The following SETD5 variants were observed in gnomAD, a reference collection of about 807,000 sequenced individuals.
SETD5 encodes the protein SET domain containing 5, also known as histone-lysine N-methyltransferase SETD5.
Under a neutral mutation model 153.3 loss-of-function variants are expected in SETD5, and 44 were observed. The ratio of observed to expected loss-of-function variants is 0.29; its 90% CI spans 0.23 to 0.37. The LOEUF is 0.37. SETD5 is among the 10% of genes least tolerant of loss of function. SETD5 has a pLI of 1.00. For synonymous variants in SETD5, 716 were observed against 645.2 expected, an observed-to-expected ratio of 1.11 and a Z score of -1.66; for missense variants, 1,544 against 1,768.0, an observed-to-expected ratio of 0.87 and a Z score of 2.27.
At position 9,441,508 on chromosome 3, in the gene SETD5, A is replaced by T. The variant is rs1383768920; in HGVS notation, c.811-85A>T. 3.9e-6 allele frequency: 5 copies of T among 1,266,504 alleles called. No individual in the cohort carries two copies. The Admixed American group carries it at 1.0e-4, about 25-fold the overall frequency. The allele number at this position is 1,266,504 out of a possible 1,614,324, so 78.5% of individuals were successfully genotyped here. A position where few individuals can be genotyped will look rare whatever the true frequency, so the allele number is the denominator to read the frequency against. On this transcript the variant is annotated intron_variant, in intron 8 of 22. Transcript: ENST00000402198. ...ACAGATAAAACCTGAAAATATTAGC[A>T]TGTTTTCCTTAATTATGAAGTAATT... is the stretch of plus-strand genomic sequence containing the variant.
At chr3:9,422,356 T>C (rs1023406141) in intron 1 of SETD5, among the ~76,000 whole-genome samples, 2 of 152,204 alleles carry the variant, frequency 1.3e-5, no homozygotes, top group African/African-American at 4.8e-5. Flanking sequence ...TTATCTACTT[T>C]CAAAAATATC....
At chr3:9,463,230 C>G (rs1023478558) in intron 17 of SETD5, among the ~76,000 whole-genome samples, 46 of 152,156 alleles carry the variant, frequency 3.0e-4, no homozygotes, top group African/African-American at 1.0e-3. Context: ...GCCATATTGG[C>G]CAGGCTGGTC....
At chr3:9,404,384 G>T (rs761840547) in intron 1 of SETD5, among the ~76,000 whole-genome samples, 1 of 152,116 alleles carries the variant, frequency 6.6e-6, no homozygotes, top group Non-Finnish European at 1.5e-5. Context: ...TGGCAGTAAT[G>T]ATATAATATT....
Position 9,434,312 on chromosome 3 carries a change from T to A in SETD5, c.178-22T>A. ...ACGGAGCCCCTCCTCCTCCGACACC[T>A]CCTGCTTCTCCCCCTGTCCAGACGA... On this transcript the variant is annotated intron_variant, in intron 4 of 22. Transcript: ENST00000402198. The surrounding 1 kb of genome is among the most constrained non-coding windows in gnomAD (Gnocchi z 5.6). 6.2e-7 allele frequency: 1 copy of A among 1,613,516 alleles called. No individual in the cohort carries two copies. The highest frequency in any genetic ancestry group is 8.5e-7 in the Non-Finnish European group (1 of 1,179,476).
Position 9,435,914 on chromosome 3 carries a change from G to A in SETD5, c.567+8G>A. On this transcript the variant is annotated splice_region_variant and intron_variant, in intron 7 of 22. Coordinates refer to ENST00000402198, the MANE Select transcript of SETD5 (RefSeq NM_001080517.3). ...AAGACGAAGAAAATCAAGGTATGCA[G>A]GGTAAAAATATCTTAAATAGAAATT... 5 of 1,560,088 alleles carry A rather than the reference G, an allele frequency of 3.2e-6. No individual in the cohort carries two copies. The South Asian group carries it at 4.8e-5, about 15-fold the overall frequency.
chr3:9,425,049 A>ATTTTTTTTTTT (rs2038940055), intron 2 of SETD5, among the ~76,000 whole-genome samples: 1 of 123,392 alleles, frequency 8.1e-6, no homozygotes, highest in African/African-American at 3.7e-5. Flanking sequence ...GTTACCGACA[A>ATTTTTTTTTTT]TGTTTCTTTT....
chr3:9,442,722 G>A (rs987816895), intron 10 of SETD5, among the ~76,000 whole-genome samples: 2 of 152,172 alleles, frequency 1.3e-5, no homozygotes, highest in African/African-American at 4.8e-5. Flanking sequence ...TTAATTCTCT[G>A]GTGGAGCTGG....
rs2042194563 is a variant in SETD5, at chr3:9,447,858, G to A, written c.1955G>A (p.Gly652Glu). Reference sequence around the variant, plus strand: ...TCACAAGCTGCCTTGGAAGAGGGAGGAAGTAACAGTTTAGTAACTCCTACT... The same window carrying A: ...TCACAAGCTGCCTTGGAAGAGGGAGAAAGTAACAGTTTAGTAACTCCTACT... ...ELSQAALEEGGSNSLVTPTEA... is the reference protein window; with the variant it reads ...ELSQAALEEGESNSLVTPTEA... Residue 652 changes from glycine to glutamate, a missense_variant, in exon 15 of 23, where the codon GGA (glycine) becomes GAA (glutamate). Coordinates refer to ENST00000402198, the MANE Select transcript of SETD5 (RefSeq NM_001080517.3). The A allele has an allele frequency of 1.2e-6, 2 of 1,613,864 alleles. No homozygotes were observed. The highest frequency in any genetic ancestry group is 1.7e-5 in the Admixed American group (1 of 59,994).
chr3:9,454,462 T>C (rs1414641979), intron 17 of SETD5, among the ~76,000 whole-genome samples: 1 of 151,696 alleles, frequency 6.6e-6, no homozygotes, highest in Non-Finnish European at 1.5e-5. Context: ...CTACCAAAAA[T>C]GCAAAAATTA....
chr3:9,468,320 C>T (rs144556233), intron 18 of SETD5, among the ~76,000 whole-genome samples: 41 of 152,188 alleles, frequency 2.7e-4, no homozygotes, highest in African/African-American at 9.4e-4. Context: ...TTCAGAGATA[C>T]CAGGAAGCAT....
intron 2 of SETD5, among the ~76,000 whole-genome samples, chr3:9,425,810 C>T (rs890722732): frequency 9.9e-5 from 15 of 152,006 alleles, no homozygotes; most frequent in Non-Finnish European, 1.9e-4. Context: ...GGTGTACAGT[C>T]GTAATGGCTA....
At chr3:9,431,012 T>G in intron 3 of SETD5, 1 of 985,426 alleles carries the variant, frequency 1.0e-6, no homozygotes, top group Non-Finnish European at 1.2e-6. Flanking sequence ...AAATTATTAA[T>G]GATATTTATT....
intron 18 of SETD5, among the ~76,000 whole-genome samples, chr3:9,467,427 C>G (rs1251352024): frequency 6.6e-6 from 1 of 151,962 alleles, no homozygotes; most frequent in East Asian, 1.9e-4. Context: ...CCTCTCCTTT[C>G]TACCAGAATA....
intron 2 of SETD5, among the ~76,000 whole-genome samples, chr3:9,424,962 T>C (rs1020449199): frequency 2.0e-5 from 3 of 152,082 alleles, no homozygotes; most frequent in African/African-American, 7.2e-5. Flanking sequence ...ATGGTTGCTT[T>C]CATCAGAAGA....
chr3:9,400,070 T>C (rs573551167), intron 1 of SETD5, among the ~76,000 whole-genome samples: 1 of 152,328 alleles, frequency 6.6e-6, no homozygotes, highest in East Asian at 1.9e-4. Flanking sequence ...GCTTCAGGAC[T>C]AAGAAGAAAC....
intron 17 of SETD5, among the ~76,000 whole-genome samples, chr3:9,460,713 G>C (rs2043855991): frequency 6.6e-6 from 1 of 152,120 alleles, no homozygotes; most frequent in Non-Finnish European, 1.5e-5. Context: ...TACATTTACA[G>C]AAGATTTTGG....
intron 18 of SETD5, among the ~76,000 whole-genome samples, chr3:9,467,701 T>TC (rs1203006906): frequency 6.6e-6 from 1 of 152,074 alleles, no homozygotes; most frequent in Non-Finnish European, 1.5e-5. Context: ...TTCACTCTCT[T>TC]CACGTGTTCC....
rs577932464 is a variant in SETD5 at position 9,417,509 on chromosome 3, G to A, written c.-176-6958G>A. ...TTTTTTTTTTTTTTCCCCCCGAGAC[G>A]GAGTCTCGCTCTATCGCCCAGGCTG... On this transcript the variant is annotated intron_variant, in intron 1 of 22. Coordinates refer to ENST00000402198, the MANE Select transcript of SETD5 (RefSeq NM_001080517.3). Among the ~76,000 whole-genome samples, 17 of 150,032 alleles carry A rather than the reference G, an allele frequency of 1.1e-4. No homozygotes were observed. The East Asian group carries it at 1.8e-3, about 16-fold the overall frequency.
At chr3:9,464,146 A>G (rs938347897) in intron 17 of SETD5, among the ~76,000 whole-genome samples, 6 of 152,174 alleles carry the variant, frequency 3.9e-5, no homozygotes, top group Admixed American at 1.3e-4. Context: ...ATAAATGAAT[A>G]AATGAAAGAA....
Sources: gnomAD v4.1 joint callset for allele counts (sites outside exome capture counted in the v4.1 genomes callset) on GRCh38, gnomAD v4.1.1 for gene constraint, Gnocchi (gnomAD v3.1) non-coding constraint, MANE v1.5 for transcripts, NCBI Gene and HGNC (gene_info 2026-07-23, HGNC 2026-07-21) for gene names.